ATG4B: variants seen among roughly 807,000 people sequenced by gnomAD.
The protein encoded by ATG4B is cysteine protease ATG4B.
ATG4B carries 29 observed loss-of-function variants against 56.6 expected under a neutral mutation model. That is an observed-to-expected ratio of 0.51 (90% CI 0.38 to 0.70). The LOEUF is 0.70. Ranked by LOEUF, ATG4B falls within the 30% of genes least tolerant of loss-of-function variation. ATG4B has a pLI of 0.00. For synonymous variants in ATG4B, 224 were observed against 206.1 expected, an observed-to-expected ratio of 1.09 and a Z score of -0.74; for missense variants, 461 against 515.5, an observed-to-expected ratio of 0.89 and a Z score of 1.02.
chr2:241,667,985 T>C, intron 8 of ATG4B, 158 bp from the exon 9 acceptor site: 1 of 642,046 alleles, frequency 1.6e-6, no homozygotes, highest in East Asian at 2.8e-5. Context: ...TCCTGTGGTC[T>C]TTCCTGGACA....
rs1276994236 is a variant in ATG4B at position 241,651,148 on chromosome 2, C to G, written c.112+37C>G. 5 of 1,586,100 alleles carry G rather than the reference C, an allele frequency of 3.2e-6. No individual in the cohort carries two copies. The highest frequency in any genetic ancestry group is 4.3e-6 in the Non-Finnish European group (5 of 1,161,886). On this transcript the variant is annotated intron_variant, in intron 2 of 12. Coordinates refer to ENST00000404914, the MANE Select transcript of ATG4B (RefSeq NM_013325.5). This position sits in a 1 kb window ranked among gnomAD's most constrained non-coding sequence, Gnocchi z 4.1. Reference sequence around the variant, plus strand: ...GCTGGAGCCCACCCTGGTCTGACCGCTTGGCCTGCAGAAGCATTTTGTGAT... The same window carrying G: ...GCTGGAGCCCACCCTGGTCTGACCGGTTGGCCTGCAGAAGCATTTTGTGAT...
intron 1 of ATG4B, among the ~76,000 whole-genome samples, chr2:241,646,893 C>T (rs548847184): frequency 7.9e-5 from 12 of 151,804 alleles, no homozygotes; most frequent in South Asian, 2.1e-4. Context: ...AGCAATTCTC[C>T]TGCCTCAGCC....
At chr2:241,657,871 C>T (rs1004449143) in intron 6 of ATG4B, among the ~76,000 whole-genome samples, 1 of 152,182 alleles carries the variant, frequency 6.6e-6, no homozygotes. Context: ...CTGACTCAGG[C>T]GGGGCTCTAC....
chr2:241,646,636 A>G (rs1407345535), intron 1 of ATG4B, among the ~76,000 whole-genome samples: 4 of 152,178 alleles, frequency 2.6e-5, no homozygotes, highest in African/African-American at 4.8e-5. Context: ...CAGCCACATC[A>G]TGAGAAGGGG....
intron 7 of ATG4B, among the ~76,000 whole-genome samples, chr2:241,662,341 C>T (rs1380643323): frequency 1.3e-5 from 2 of 152,130 alleles, no homozygotes; most frequent in African/African-American, 2.4e-5. Flanking sequence ...CCAAATGCTA[C>T]TGGAAAATGT....
In ATG4B at chr2:241,641,316, C is replaced by T. The variant is rs1465136301; in HGVS notation, c.10+3592C>T. 4.6e-5 allele frequency among the ~76,000 whole-genome samples: 7 copies of T among 152,176 alleles called. No homozygotes were observed. In the Middle Eastern group the frequency reaches 0.014, roughly 296 times the overall value. ...CTGTAATCCCAGCACTTTGAGAGGC[C>T]GAGGTGGGCGGATCACAAGGTCAGG... is the stretch of plus-strand genomic sequence containing the variant. On this transcript the variant is annotated intron_variant, in intron 1 of 12. Transcript: ENST00000404914.
intron 1 of ATG4B, among the ~76,000 whole-genome samples, chr2:241,642,084 T>C (rs1234617471): frequency 2.6e-5 from 4 of 151,726 alleles, no homozygotes; most frequent in Admixed American, 6.6e-5. Context: ...TCCCCTACTA[T>C]CAAAGCTTTC....
At chr2:241,667,977 C>T in intron 8 of ATG4B, 166 bp from the exon 9 acceptor site, 1 of 617,124 alleles carries the variant, frequency 1.6e-6, no homozygotes, top group Non-Finnish European at 2.8e-6. Context: ...GTGGGATGTC[C>T]TGTGGTCTTT....
intron 7 of ATG4B, among the ~76,000 whole-genome samples, chr2:241,662,754 T>C (rs969080289): frequency 2.6e-5 from 4 of 151,962 alleles, no homozygotes; most frequent in African/African-American, 9.7e-5. Flanking sequence ...CCGGGCATGG[T>C]GGCTCACGCC....
chr2:241,664,838 C>T (rs1285774742), intron 7 of ATG4B, among the ~76,000 whole-genome samples: 1 of 152,178 alleles, frequency 6.6e-6, no homozygotes, highest in Non-Finnish European at 1.5e-5. Context: ...GTGACACACA[C>T]CTGTAATCCC....
chr2:241,642,871 C>CTTTTTTTT (rs1321613822), intron 1 of ATG4B, among the ~76,000 whole-genome samples: 3,532 of 98,346 alleles, frequency 0.036, 1,178 homozygotes, highest in African/African-American at 0.1. Context: ...ACCTCTCCGT[C>CTTTTTTTT]CTTTTTTTTT....
Position 241,672,558 on chromosome 2 carries a change from C to T in ATG4B, c.*294C>T. 6.8e-6 allele frequency: 3 copies of T among 442,742 alleles called. No individual in the cohort carries two copies. Among genetic ancestry groups the T allele is most frequent in the South Asian group, 6.1e-5 (2 of 32,848 alleles). 27.4% of individuals were successfully genotyped at this position (442,742 alleles called of 1,614,324 possible). Reference sequence around the variant, plus strand: ...TGCCAGCCCCGTGTTAGCACCTGGGCCTCAGTCCCACTTGCTCCCAGGCGC... The same window carrying T: ...TGCCAGCCCCGTGTTAGCACCTGGGTCTCAGTCCCACTTGCTCCCAGGCGC... On this transcript the variant is annotated 3_prime_UTR_variant, in exon 13 of 13. Transcript: ENST00000404914.
chr2:241,666,567 G>C (rs1559269728), intron 7 of ATG4B, 78 bp from the exon 8 acceptor site: 2 of 1,451,824 alleles, frequency 1.4e-6, no homozygotes, highest in South Asian at 2.4e-5. Context: ...CTGTTACACA[G>C]TCATCATTTG....
chr2:241,644,360 C>T (rs183789364), intron 1 of ATG4B, among the ~76,000 whole-genome samples: 2 of 152,124 alleles, frequency 1.3e-5, no homozygotes, highest in Non-Finnish European at 2.9e-5. Flanking sequence ...CCAGAAGGAA[C>T]GTTTGGGAAT....
intron 12 of ATG4B, chr2:241,671,790 GCGTGCCGCAGGAGC>G: frequency 7.8e-7 from 1 of 1,276,038 alleles, no homozygotes; most frequent in Non-Finnish European, 1.0e-6. Flanking sequence ...ACCATGGCCA[GCGTGCCGCAGGAGC>G]CGGCCTGGGC....
chr2:241,659,585 C>T (rs752237011), intron 7 of ATG4B: 8 of 342,884 alleles, frequency 2.3e-5, no homozygotes, highest in East Asian at 1.6e-4. Flanking sequence ...AAAGGCACGT[C>T]GTGAAGGCAG....
At chr2:241,666,888 A>C in intron 8 of ATG4B, 50 bp downstream of exon 8, 3 of 1,517,514 alleles carry the variant, frequency 2.0e-6, no homozygotes, top group Non-Finnish European at 2.7e-6. Context: ...CCCTTCTCCC[A>C]GTTCTTAGTC....
intron 12 of ATG4B, chr2:241,671,904 C>T: frequency 7.4e-7 from 1 of 1,348,112 alleles, no homozygotes; most frequent in East Asian, 3.0e-5. Flanking sequence ...GGCAATGGAA[C>T]CACTCCTGAT....
chr2:241,667,837 C>A, intron 8 of ATG4B: 1 of 349,200 alleles, frequency 2.9e-6, no homozygotes, highest in Non-Finnish European at 5.3e-6. Flanking sequence ...GGTCAAAGCA[C>A]TCAGCAGGGC....
Sources: gnomAD v4.1 joint callset for allele counts (sites outside exome capture counted in the v4.1 genomes callset) on GRCh38, gnomAD v4.1.1 for gene constraint, Gnocchi (gnomAD v3.1) non-coding constraint, MANE v1.5 for transcripts, NCBI Gene and HGNC (gene_info 2026-07-23, HGNC 2026-07-21) for gene names.